CCNE2: variants seen among roughly 807,000 people sequenced by gnomAD.
The protein encoded by CCNE2 is cyclin E2, also known as G1/S-specific cyclin-E2.
In CCNE2, 18 loss-of-function variants were observed where a neutral mutation model predicts 56.8. The observed-to-expected ratio is 0.32, with a 90% confidence interval of 0.22 to 0.47. The LOEUF is 0.47. CCNE2 is among the 20% of genes least tolerant of loss of function. The pLI, the probability that CCNE2 is intolerant of heterozygous loss-of-function variation, is 1.00. For missense variants in CCNE2, 371 were observed against 467.1 expected, an observed-to-expected ratio of 0.79 and a Z score of 1.90; for synonymous variants, 139 against 149.2, an observed-to-expected ratio of 0.93 and a Z score of 0.50.
chr8:94,896,252 C>T (rs1216248482), upstream of CCNE2, among the ~76,000 whole-genome samples: 2 of 148,304 alleles, frequency 1.3e-5, no homozygotes, highest in Middle Eastern at 3.4e-3. Flanking sequence ...GGCCCCGGGC[C>T]CGCCTGCCGC....
chr8:94,884,848 A>G (rs958369673), intron 9 of CCNE2: 2 of 414,090 alleles, frequency 4.8e-6, no homozygotes, highest in African/African-American at 3.9e-5. Context: ...TTGGACTCCT[A>G]AAGAATGAAA....
At chr8:94,888,818 AC>A (rs1444129606) in intron 6 of CCNE2, among the ~76,000 whole-genome samples, 1 of 152,150 alleles carries the variant, frequency 6.6e-6, no homozygotes, top group Non-Finnish European at 1.5e-5. Context: ...GAGCCATCAC[AC>A]CTGGCCACAT....
Position 94,881,499 on chromosome 8 carries a change from G to T in CCNE2, c.*133C>A. 1.3e-6 allele frequency: 1 copy of T among 768,568 alleles called. No homozygotes were observed. The highest frequency in any genetic ancestry group is 2.0e-5 in the South Asian group (1 of 50,036). The allele number at this position is 768,568 out of a possible 1,614,324, so 47.6% of individuals were successfully genotyped here. A position where few individuals can be genotyped will look rare whatever the true frequency, so the allele number is the denominator to read the frequency against. ...GTGCCAATTGTAAGTTTTAAAATCA[G>T]AATGGCAGTGTAACTTGTGAATTGG... On this transcript the variant is annotated 3_prime_UTR_variant, in exon 12 of 12. Coordinates refer to ENST00000308108, the MANE Select transcript of CCNE2 (RefSeq NM_057749.3).
chr8:94,885,435 G>T, intron 8 of CCNE2, 28 bp downstream of exon 8: 1 of 1,383,276 alleles, frequency 7.2e-7, no homozygotes, highest in Non-Finnish European at 1.0e-6. Context: ...TTTCTTTTTT[G>T]CAACTAGGAA....
intron 4 of CCNE2, chr8:94,893,607 C>A (rs940273109): frequency 7.7e-6 from 3 of 391,202 alleles, no homozygotes; most frequent in South Asian, 4.8e-5. Flanking sequence ...GAACAAAGAG[C>A]AGTATATTGG....
At position 94,880,245 on chromosome 8, in the gene CCNE2, T is replaced by G. The variant is rs748651472; in HGVS notation, c.*1387A>C. The G allele has an allele frequency of 2.8e-6, 4 of 1,438,664 alleles. No individual in the cohort carries two copies. Among genetic ancestry groups the G allele is most frequent in the Non-Finnish European group, 3.9e-6 (4 of 1,036,634 alleles). The allele number at this position is 1,438,664 out of a possible 1,614,324, so 89.1% of individuals were successfully genotyped here. A position where few individuals can be genotyped will look rare whatever the true frequency, so the allele number is the denominator to read the frequency against. The stretch of plus-strand genomic sequence containing the variant: ...AAACTTTACTTTTAAGCAGTTAAAT[T>G]TTTTTAACTTTTATTTTTTAAACAA... On this transcript the variant is annotated 3_prime_UTR_variant, in exon 12 of 12. Transcript: ENST00000308108.
Position 94,890,508 on chromosome 8 carries a change from CT to C in CCNE2, c.359del (p.Lys120ArgfsTer22). 5 of 1,599,364 alleles carry C rather than the reference CT, an allele frequency of 3.1e-6. No individual in the cohort carries two copies. Among genetic ancestry groups the C allele is most frequent in the Admixed American group, 1.7e-5 (1 of 58,550 alleles). On this transcript the variant is annotated frameshift_variant, in exon 6 of 12. Transcript: ENST00000308108. LOFTEE classifies it high-confidence loss of function. ...GTTTGTCATGAACATATCTGCTCTC[CT>C]TTTTTAACATGTTTAGCCAGACTTC... is the stretch of plus-strand genomic sequence containing the variant. ...SKEVWLNMLK[K>X]ESRYVHDKHF...
intron 9 of CCNE2, 42 bp from the exon 10 acceptor site, chr8:94,882,934 T>C (rs777259901): frequency 7.8e-7 from 1 of 1,284,080 alleles, no homozygotes; most frequent in South Asian, 1.2e-5. Context: ...AGGAGAAAGA[T>C]GAGTACTAAA....
chr8:94,883,726 A>G, intron 9 of CCNE2: 1 of 301,192 alleles, frequency 3.3e-6, no homozygotes, highest in Non-Finnish European at 7.0e-6. Context: ...GACTAGAAGA[A>G]AACATGTTTA....
At position 94,882,790 on chromosome 8, in the gene CCNE2, T is replaced by C. The variant is rs764404699; in HGVS notation, c.934A>G (p.Lys312Glu). ...CHFTSIEVVK[K>E]ASGLEWDSIS... is the part of the protein sequence containing the mutation. ...AAATAGAGAGTCTTACCTGAGGCTT[T>C]CTTAACCACTTCAATGGAGGTAAAA... is the stretch of plus-strand genomic sequence containing the variant. The change falls in exon 10 of 12, where the codon AAA becomes GAA. Residue 312 changes from lysine to glutamate, a missense_variant. Coordinates refer to ENST00000308108, the MANE Select transcript of CCNE2 (RefSeq NM_057749.3). 6.2e-7 allele frequency: 1 copy of C among 1,611,440 alleles called. No homozygotes were observed. The highest frequency in any genetic ancestry group is 1.3e-5 in the African/African-American group (1 of 74,876).
intron 5 of CCNE2, chr8:94,891,676 AAAAAC>A: frequency 1.8e-6 from 1 of 548,122 alleles, no homozygotes; most frequent in Non-Finnish European, 3.1e-6. Flanking sequence ...AAAAAAAAAA[AAAAAC>A]ACCATGAAGT....
chr8:94,889,588 T>C (rs1269993280), intron 6 of CCNE2, among the ~76,000 whole-genome samples: 1 of 152,162 alleles, frequency 6.6e-6, no homozygotes, highest in Non-Finnish European at 1.5e-5. Context: ...AGGATAACAT[T>C]TTAGTCTTAA....
intron 9 of CCNE2, 62 bp from the exon 10 acceptor site, chr8:94,882,954 C>G: frequency 1.8e-6 from 2 of 1,131,680 alleles, no homozygotes; most frequent in Non-Finnish European, 2.7e-6. Context: ...ATGTCTCTTG[C>G]TAAAACCTTA....
Position 94,882,095 on chromosome 8 carries a change from C to G in CCNE2, c.1101+37G>C, listed in dbSNP as rs752072919. On this transcript the variant is annotated intron_variant, in intron 11 of 11. Transcript: ENST00000308108. Reference sequence around the variant, plus strand: ...ATCAGTTTTGGTGACTTACTAGATTCAGATAGCAAAGCCAAAAAACTCACA... The same window carrying G: ...ATCAGTTTTGGTGACTTACTAGATTGAGATAGCAAAGCCAAAAAACTCACA... 3 of 1,567,906 alleles carry G rather than the reference C, an allele frequency of 1.9e-6. No individual in the cohort carries two copies. The African/African-American group carries it at 4.1e-5, about 21-fold the overall frequency.
upstream of CCNE2, among the ~76,000 whole-genome samples, chr8:94,896,179 C>T (rs968173773): frequency 1.3e-5 from 2 of 151,736 alleles, no homozygotes; most frequent in East Asian, 3.9e-4. Context: ...ATTCCTCCTC[C>T]CCCTGAGCGC....
At position 94,882,125 on chromosome 8, in the gene CCNE2, A is replaced by G; in HGVS notation, c.1101+7T>C. The G allele has an allele frequency of 6.3e-7, 1 of 1,592,278 alleles. No homozygotes were observed. Among genetic ancestry groups the G allele is most frequent in the Non-Finnish European group, 8.5e-7 (1 of 1,171,612 alleles). ...AGCAAAGCCAAAAAACTCACAAAAA[A>G]ACATACCAGCATAGCCAAATAGTTT... On this transcript the variant is annotated splice_region_variant and intron_variant, in intron 11 of 11. Transcript: ENST00000308108.
chr8:94,882,660 A>T, intron 10 of CCNE2, 121 bp downstream of exon 10: 1 of 691,018 alleles, frequency 1.4e-6, no homozygotes, highest in South Asian at 1.8e-5. Flanking sequence ...TAATTACTGA[A>T]CAGCTAATTT....
In CCNE2 at chr8:94,880,649, T is replaced by G; in HGVS notation, c.*983A>C. On this transcript the variant is annotated 3_prime_UTR_variant, in exon 12 of 12. Transcript: ENST00000308108. The stretch of plus-strand genomic sequence containing the variant: ...TCTTCTTCCTTAAGAAAATAGAAGT[T>G]TAGGTCAAGTGTTAAGCTTTATCAC... The G allele has an allele frequency of 2.6e-6, 1 of 387,078 alleles. No homozygotes were observed. The highest frequency in any genetic ancestry group is 4.6e-6 in the Non-Finnish European group (1 of 219,744). The allele number at this position is 387,078 out of a possible 1,614,324, so 24.0% of individuals were successfully genotyped here.
At chr8:94,895,580 A>G (rs1296306469), upstream of CCNE2, among the ~76,000 whole-genome samples, 2 of 152,074 alleles carry the variant, frequency 1.3e-5, no homozygotes, top group East Asian at 3.9e-4. Context: ...GGCGCATAAC[A>G]GGGGGACACG....
Sources: gnomAD v4.1 joint callset for allele counts (sites outside exome capture counted in the v4.1 genomes callset) on GRCh38, gnomAD v4.1.1 for gene constraint, MANE v1.5 for transcripts, NCBI Gene and HGNC (gene_info 2026-07-23, HGNC 2026-07-21) for gene names.